PI16: variants seen among roughly 807,000 people sequenced by gnomAD.
PI16 encodes the protein PSP94-binding protein.
Under a neutral mutation model 38.0 loss-of-function variants are expected in PI16, and 35 were observed. The observed-to-expected ratio is 0.92, with a 90% CI of 0.70 to 1.22. The LOEUF (loss-of-function observed/expected upper bound fraction) is 1.22, where lower values mean the gene tolerates loss of function less well. Among genes scored for constraint, PI16 ranks in the 50% most tolerant of loss-of-function variants. The pLI, the probability that PI16 is intolerant of heterozygous loss-of-function variation, is 0.00. For synonymous variants in PI16, 275 were observed against 252.9 expected (o/e 1.09, Z -0.83); for missense variants, 572 against 593.8 (o/e 0.96, Z 0.38).
chr6:36,949,154 A>G (rs560975414), intron 1 of PI16, among the ~76,000 whole-genome samples: 3 of 148,244 alleles, frequency 2.0e-5, no homozygotes, highest in South Asian at 2.2e-4. Context: ...TTCTCACTGG[A>G]GTCTTGCTCT....
chr6:36,949,746 T>A (rs1415873024), upstream of PI16, among the ~76,000 whole-genome samples: 4 of 152,204 alleles, frequency 2.6e-5, no homozygotes, highest in African/African-American at 9.7e-5. Flanking sequence ...GTAAATACAG[T>A]TATTTGAAGT....
rs1583236145 is a variant in PI16 at position 36,960,897 on chromosome 6, G to A, written c.394-554G>A. Among the ~76,000 whole-genome samples, 5 of 152,206 alleles carry A rather than the reference G, an allele frequency of 3.3e-5. 1 individual carries two copies. Among genetic ancestry groups the A allele is most frequent in the Non-Finnish European group, 1.5e-5 (1 of 68,006 alleles). ...TCTCACCCCATGGCAGCACACAAAT[G>A]TTGTTGGACTTTCTGTTTGATAAAG... On this transcript the variant is annotated intron_variant, in intron 2 of 6. Coordinates refer to ENST00000373674, the MANE Select transcript of PI16 (RefSeq NM_153370.3).
In PI16 at chr6:36,963,982, G is replaced by A. The variant is rs771903242; in HGVS notation, c.*18+20G>A. The A allele has an allele frequency of 1.8e-5, 28 of 1,593,258 alleles. No individual in the cohort carries two copies. The highest frequency in any genetic ancestry group is 2.3e-5 in the Non-Finnish European group (27 of 1,171,158). On this transcript the variant is annotated intron_variant, in intron 6 of 6. Coordinates refer to ENST00000373674, the MANE Select transcript of PI16 (RefSeq NM_153370.3). ...TCAAAGGCAAGGCCTGGTGAGGGGGGCCCTGGCCTCATACCCACCTGGATT... is the reference window on the plus strand; with the variant it reads ...TCAAAGGCAAGGCCTGGTGAGGGGGACCCTGGCCTCATACCCACCTGGATT...
At position 36,962,101 on chromosome 6, in the gene PI16, A is replaced by G; in HGVS notation, c.592+127A>G. 1.4e-6 allele frequency: 1 copy of G among 690,680 alleles called. No individual in the cohort carries two copies. Among genetic ancestry groups the G allele is most frequent in the Admixed American group, 2.4e-5 (1 of 41,400 alleles). 42.8% of individuals were successfully genotyped at this position (690,680 alleles called of 1,614,324 possible). ...GGAAGGAGCCTGGTGGGATGCGACCACCGGGGGCCCCTGGCGGCTCCCTTA... is the reference window on the plus strand; with the variant it reads ...GGAAGGAGCCTGGTGGGATGCGACCGCCGGGGGCCCCTGGCGGCTCCCTTA... On this transcript the variant is annotated intron_variant, in intron 4 of 6. Transcript: ENST00000373674. This position sits in a 1 kb window ranked among gnomAD's most constrained non-coding sequence, Gnocchi z 4.1.
In PI16 at chr6:36,961,442, C is replaced by T. The variant is rs1433611313; in HGVS notation, c.394-9C>T. The T allele has an allele frequency of 3.7e-6, 6 of 1,613,584 alleles. No homozygotes were observed. In the African/African-American group the frequency reaches 6.7e-5, roughly 18 times the overall value. ...ATGGGGCTGAGCTGCTAGGTTTGCC[C>T]TTCATCAGGTGGTATGGGCCAAGAC... is the stretch of plus-strand genomic sequence containing the variant. On this transcript the variant is annotated splice_polypyrimidine_tract_variant and intron_variant, in intron 2 of 6. Transcript: ENST00000373674.
At chr6:36,960,867 G>C (rs1254782135) in intron 2 of PI16, among the ~76,000 whole-genome samples, 1 of 152,154 alleles carries the variant, frequency 6.6e-6, no homozygotes, top group Non-Finnish European at 1.5e-5. Flanking sequence ...AGGCAAGGCT[G>C]CTGGTCTCAC....
intron 2 of PI16, among the ~76,000 whole-genome samples, chr6:36,960,359 G>GTGTGTT (rs1413720981): frequency 2.7e-5 from 4 of 145,784 alleles, no homozygotes; most frequent in African/African-American, 1.0e-4. Flanking sequence ...GTGTGTGTGT[G>GTGTGTT]TGTGTAGGGG....
chr6:36,951,737 A>G (rs887853328), upstream of PI16, among the ~76,000 whole-genome samples: 2 of 151,982 alleles, frequency 1.3e-5, no homozygotes, highest in Non-Finnish European at 2.9e-5. Context: ...TGTCTCTACT[A>G]AAAATACAAA....
At position 36,962,840 on chromosome 6, in the gene PI16, G is replaced by A. The variant is rs1561898225; in HGVS notation, c.593-95G>A. On this transcript the variant is annotated intron_variant, in intron 4 of 6. Coordinates refer to ENST00000373674, the MANE Select transcript of PI16 (RefSeq NM_153370.3). This position sits in a 1 kb window ranked among gnomAD's most constrained non-coding sequence, Gnocchi z 4.1. Reference sequence around the variant, plus strand: ...TGTATGTGTGTGTTTGTGTGTCCTGGTAGGACATTTGGTCGCGTCACTTGG... The same window carrying A: ...TGTATGTGTGTGTTTGTGTGTCCTGATAGGACATTTGGTCGCGTCACTTGG... The A allele has an allele frequency of 1.9e-6, 2 of 1,031,440 alleles. No homozygotes were observed. Among genetic ancestry groups the A allele is most frequent in the Non-Finnish European group, 2.8e-6 (2 of 703,774 alleles). 63.9% of individuals were successfully genotyped at this position (1,031,440 alleles called of 1,614,324 possible).
Position 36,963,133 on chromosome 6 carries a change from CCCCA to C in PI16, c.792_795del (p.Pro265LeufsTer3). 1 of 1,614,234 alleles carries C rather than the reference CCCCA, an allele frequency of 6.2e-7. No homozygotes were observed. On this transcript the variant is annotated frameshift_variant, in exon 5 of 7. Coordinates refer to ENST00000373674, the MANE Select transcript of PI16 (RefSeq NM_153370.3). LOFTEE classifies it high-confidence loss of function. ...GCTCTGCCTGCTGTGGAAACCCAGG[CCCCA>C]ACTTCCTTAGCAACGAAAGACCCGC...
chr6:36,953,611 C>G (rs890596333), upstream of PI16, among the ~76,000 whole-genome samples: 3 of 152,140 alleles, frequency 2.0e-5, no homozygotes, highest in Non-Finnish European at 4.4e-5. Context: ...TTCTTGTCAT[C>G]TTCCAAAGCC....
Position 36,963,376 on chromosome 6 carries a change from G to C in PI16, c.1034G>C (p.Gly345Ala). Reference sequence around the variant, plus strand: ...CTGGACCCCAAGATGTCCCTGACAGGGGCAAGGGAACTCCTACCCCATGCC... The same window carrying C: ...CTGGACCCCAAGATGTCCCTGACAGCGGCAAGGGAACTCCTACCCCATGCC... The part of the protein sequence containing the change: ...NSLDPKMSLT[G>A]ARELLPHAQE... Residue 345 changes from glycine to alanine, a missense_variant, in exon 5 of 7, where the codon GGG becomes GCG. Physicochemically the swap from Gly to Ala is moderately conservative, Grantham distance 60 (BLOSUM62 0). Transcript: ENST00000373674. 6.2e-7 allele frequency: 1 copy of C among 1,614,176 alleles called. No individual in the cohort carries two copies. Among genetic ancestry groups the C allele is most frequent in the Non-Finnish European group, 8.5e-7 (1 of 1,180,028 alleles).
At chr6:36,951,775 T>A (rs906145126), upstream of PI16, among the ~76,000 whole-genome samples, 5 of 151,984 alleles carry the variant, frequency 3.3e-5, no homozygotes, top group East Asian at 9.8e-4. Context: ...GGCGCATGTC[T>A]GACGTCCCAG....
Position 36,963,196 on chromosome 6 carries a change from C to G in PI16, c.854C>G (p.Thr285Arg), listed in dbSNP as rs754763464. ...SMATEAPPCV[T>R]TEVPSILAAH... ...GCAACAGAGGCTCCACCTTGCGTAA[C>G]AACTGAGGTCCCTTCCATTTTGGCA... Residue 285 changes from threonine to arginine, a missense_variant, in exon 5 of 7, where the codon ACA (threonine) becomes AGA (arginine). By Grantham distance (71) the Thr-to-Arg change is moderately conservative. Transcript: ENST00000373674. 5.6e-6 allele frequency: 9 copies of G among 1,614,136 alleles called. No homozygotes were observed. Among genetic ancestry groups the G allele is most frequent in the Non-Finnish European group, 7.6e-6 (9 of 1,180,052 alleles).
In PI16 at chr6:36,962,700, T is replaced by C. The variant is rs1214298337; in HGVS notation, c.593-235T>C. Reference sequence around the variant, plus strand: ...GTTGGTCAGGTTGGTCTCGAACTCCTGACCTCAGGTGATCCACCTGCCTCA... The same window carrying C: ...GTTGGTCAGGTTGGTCTCGAACTCCCGACCTCAGGTGATCCACCTGCCTCA... On this transcript the variant is annotated intron_variant, in intron 4 of 6. Transcript: ENST00000373674. This position sits in a 1 kb window ranked among gnomAD's most constrained non-coding sequence, Gnocchi z 4.1. Among the ~76,000 whole-genome samples, 1 of 152,182 alleles carries C rather than the reference T, an allele frequency of 6.6e-6. No individual in the cohort carries two copies. The highest frequency in any genetic ancestry group is 1.5e-5 in the Non-Finnish European group (1 of 68,034).
At position 36,954,919 on chromosome 6, in the gene PI16, C is replaced by T. The variant is rs1763165051; in HGVS notation, c.159C>T (p.Asp53=). Residue 53 remains aspartate (D), a synonymous_variant, in exon 1 of 7, where the codon GAC becomes GAT. Coordinates refer to ENST00000373674, the MANE Select transcript of PI16 (RefSeq NM_153370.3). ...YRAQVSPTAS[D]MLHMRWDEEL... is the part of the protein sequence containing the mutation. ...CCCAGGTATCCCCGACGGCCTCAGA[C>T]ATGCTGCACATGGTAAGTGTGGCCA... is the stretch of plus-strand genomic sequence containing the variant. The T allele has an allele frequency of 6.2e-7, 1 of 1,613,018 alleles. No individual in the cohort carries two copies. Among genetic ancestry groups the T allele is most frequent in the Non-Finnish European group, 8.5e-7 (1 of 1,179,930 alleles).
chr6:36,954,592 T>C (rs1051222216), upstream of PI16: 19 of 1,042,906 alleles, frequency 1.8e-5, no homozygotes, highest in African/African-American at 1.5e-4. Flanking sequence ...CACTTGATGC[T>C]GGTCGGGACC....
At chr6:36,961,647 G>A in intron 3 of PI16, 87 bp downstream of exon 3, 12 of 1,232,134 alleles carry the variant, frequency 9.7e-6, no homozygotes, top group Non-Finnish European at 1.4e-5. Flanking sequence ...CAGCCTGAGG[G>A]AGTGGGAGGA....
chr6:36,959,045 G>C (rs1240057882), intron 1 of PI16, 100 bp from the exon 2 acceptor site: 4 of 1,035,244 alleles, frequency 3.9e-6, no homozygotes, highest in Non-Finnish European at 5.6e-6. Flanking sequence ...CCCTGCTAAG[G>C]AGGTGCCGGA....
Sources: gnomAD v4.1 joint callset for allele counts (sites outside exome capture counted in the v4.1 genomes callset) on GRCh38, gnomAD v4.1.1 for gene constraint, Gnocchi (gnomAD v3.1) non-coding constraint, MANE v1.5 for transcripts, NCBI Gene and HGNC (gene_info 2026-07-23, HGNC 2026-07-21) for gene names.